Variants in SREK1 observed in about 807,000 individuals in gnomAD.
The protein encoded by SREK1 is splicing regulatory glutamine/lysine-rich protein 1.
In SREK1, 13 loss-of-function variants were observed where a neutral mutation model predicts 66.5. That is an observed-to-expected ratio of 0.20 (90% CI 0.13 to 0.31). SREK1 has a LOEUF of 0.31. SREK1 is among the 10% of genes least tolerant of loss of function. The probability of loss-of-function intolerance (pLI) is 1.00; values close to 1 mark genes in which losing one functional copy is unlikely to be tolerated. For synonymous variants in SREK1, 265 were observed against 263.5 expected (o/e 1.01, Z -0.05); for missense variants, 607 against 769.6 (o/e 0.79, Z 2.50).
intron 1 of SREK1, among the ~76,000 whole-genome samples, chr5:66,149,248 G>A (rs1743543992): frequency 6.6e-6 from 1 of 152,112 alleles, no homozygotes; most frequent in Admixed American, 6.5e-5. Context: ...AGCTACTTGG[G>A]AGGCGGCAGG....
chr5:66,165,157 G>C (rs773988197), intron 7 of SREK1: 3 of 284,676 alleles, frequency 1.1e-5, no homozygotes, highest in Non-Finnish European at 1.3e-5. Context: ...CTCTATTCCA[G>C]ATTTTTCTAA....
rs568163042 is a variant in SREK1, at chr5:66,150,460, A to G, written c.162-3003A>G. On this transcript the variant is annotated intron_variant, in intron 1 of 11. Coordinates refer to ENST00000334121, the MANE Select transcript of SREK1 (RefSeq NM_001077199.3). The stretch of plus-strand genomic sequence containing the variant: ...GTGATGTGTTGCTGGAACCACAGGT[A>G]TCATTTTTGGGTGCATTTCCATGAC... Among the ~76,000 whole-genome samples the G allele has an allele frequency of 3.9e-5, 6 of 152,346 alleles. No individual in the cohort carries two copies. In the East Asian group the frequency reaches 7.7e-4, roughly 20 times the overall value.
chr5:66,156,116 G>T, intron 2 of SREK1: 2 of 1,488,360 alleles, frequency 1.3e-6, no homozygotes, highest in South Asian at 1.3e-5. Flanking sequence ...GTTAGGCATT[G>T]TTTGCCATGC....
At chr5:66,148,511 A>C (rs115026021) in intron 1 of SREK1, among the ~76,000 whole-genome samples, 1 of 152,362 alleles carries the variant, frequency 6.6e-6, no homozygotes, top group Non-Finnish European at 1.5e-5. Flanking sequence ...TGAAAAATTG[A>C]TAAGATTTTG....
In SREK1 at chr5:66,154,610, A is replaced by G. The variant is rs908989220; in HGVS notation, c.295+1014A>G. 5.3e-5 allele frequency among the ~76,000 whole-genome samples: 8 copies of G among 152,304 alleles called. No homozygotes were observed. The South Asian group carries it at 1.7e-3, about 32-fold the overall frequency. ...CAGTTTGCTGCACTTTAAAGGTTTT[A>G]TGCTTATTTCAGAATGCCTGTTCTG... On this transcript the variant is annotated intron_variant, in intron 2 of 11. Transcript: ENST00000334121.
At chr5:66,161,890 G>C (rs27088) in intron 3 of SREK1, among the ~76,000 whole-genome samples, 12,360 of 152,108 alleles carry the variant, frequency 0.081, 628 homozygotes, top group East Asian at 0.27. Context: ...GTTTAAAAGT[G>C]GCTAAAATAT....
At chr5:66,153,055 G>A (rs1743982554) in intron 1 of SREK1, among the ~76,000 whole-genome samples, 1 of 152,152 alleles carries the variant, frequency 6.6e-6, no homozygotes, top group South Asian at 2.1e-4. Context: ...TGATGTAAAT[G>A]CTTGGGAAAC....
intron 1 of SREK1, chr5:66,145,137 A>G (rs1743057497): frequency 3.0e-6 from 3 of 985,450 alleles, no homozygotes; most frequent in Non-Finnish European, 3.6e-6. Flanking sequence ...AGCAGATTAA[A>G]TTTTCCTCCT....
Position 66,144,375 on chromosome 5 carries a change from G to T in SREK1, c.-2G>T. 2 of 1,545,778 alleles carry T rather than the reference G, an allele frequency of 1.3e-6. No individual in the cohort carries two copies. Among genetic ancestry groups the T allele is most frequent in the African/African-American group, 1.4e-5 (1 of 72,856 alleles). ...CGGGAAGGCAACGGCAGCGGGATCG[G>T]GATGAACAGCGGCGGCGGCTTCGGT... On this transcript the variant is annotated 5_prime_UTR_variant, in exon 1 of 12. Coordinates refer to ENST00000334121, the MANE Select transcript of SREK1 (RefSeq NM_001077199.3).
At chr5:66,169,907 A>G in intron 7 of SREK1, 144 bp from the exon 8 acceptor site, 1 of 554,888 alleles carries the variant, frequency 1.8e-6, no homozygotes, top group Non-Finnish European at 2.9e-6. Context: ...GTTTCCAGTA[A>G]ATGTATTTCA....
chr5:66,169,175 A>C (rs1037878570), intron 7 of SREK1: 1 of 152,226 alleles, frequency 6.6e-6, no homozygotes, highest in Non-Finnish European at 1.5e-5. Context: ...TCACATTCTC[A>C]AAAAACTTTT....
Position 66,181,280 on chromosome 5 carries a change from A to T in SREK1, c.*2412A>T, listed in dbSNP as rs1561524467. ...GCAAGGCATTCTAGGGTCTAGAGGG[A>T]TGTGTGTGTGTGCTTGTGTGTCCAT... On this transcript the variant is annotated 3_prime_UTR_variant, in exon 12 of 12. Transcript: ENST00000334121. 1 of 151,886 alleles carries T rather than the reference A, an allele frequency of 6.6e-6. No individual in the cohort carries two copies. The highest frequency in any genetic ancestry group is 1.9e-4 in the East Asian group (1 of 5,186). The allele number at this position is 151,886 out of a possible 1,614,324, so 9.4% of individuals were successfully genotyped here.
chr5:66,176,365 C>T (rs529593066), intron 10 of SREK1, among the ~76,000 whole-genome samples: 1 of 152,210 alleles, frequency 6.6e-6, no homozygotes, highest in African/African-American at 2.4e-5. Context: ...AAGGCCTGTT[C>T]TCTATACCCC....
In SREK1 at chr5:66,161,195, AACTCAT is replaced by A. The variant is rs543630683; in HGVS notation, c.412-901_412-896del. Among the ~76,000 whole-genome samples the A allele has an allele frequency of 5.9e-5, 9 of 152,264 alleles. No homozygotes were observed. In the East Asian group the frequency reaches 9.6e-4, roughly 16 times the overall value. On this transcript the variant is annotated intron_variant, in intron 3 of 11. Coordinates refer to ENST00000334121, the MANE Select transcript of SREK1 (RefSeq NM_001077199.3). The stretch of plus-strand genomic sequence containing the variant: ...GCTATGATAATTGTTGACTGTTAGG[AACTCAT>A]ACTCATACTCATCTGTGTTTTTCAA...
intron 2 of SREK1, chr5:66,158,970 T>A (rs1744508071): frequency 7.5e-7 from 1 of 1,339,498 alleles, no homozygotes; most frequent in Admixed American, 2.5e-5. Flanking sequence ...ATTGTCTACA[T>A]TATTCAATTT....
intron 1 of SREK1, chr5:66,144,741 G>T: frequency 7.9e-7 from 1 of 1,261,514 alleles, no homozygotes; most frequent in Non-Finnish European, 1.0e-6. Flanking sequence ...ACTACTGCAC[G>T]GAGCCCTTAC....
chr5:66,174,962 A>G lies in SREK1; in HGVS notation c.1501A>G (p.Arg501Gly). The G allele has an allele frequency of 6.2e-7, 1 of 1,612,946 alleles. No homozygotes were observed. The highest frequency in any genetic ancestry group is 8.5e-7 in the Non-Finnish European group (1 of 1,179,392). ...RSSSRERRRRRSRSSSRSPRT... is the reference protein window; with the variant it reads ...RSSSRERRRRGSRSSSRSPRT... ...GATTTTCAGGGAAAGGCGTAGGAGG[A>G]GGAGCAGGAGTTCTTCCAGATCGCC... The change falls in exon 10 of 12, where the codon AGG becomes GGG. Residue 501 changes from arginine (R) to glycine (G), a missense_variant. Transcript: ENST00000334121.
At position 66,151,256 on chromosome 5, in the gene SREK1, T is replaced by C. The variant is rs570807966; in HGVS notation, c.162-2207T>C. Among the ~76,000 whole-genome samples the C allele has an allele frequency of 2.0e-5, 3 of 152,332 alleles. No homozygotes were observed. In the South Asian group the frequency reaches 6.2e-4, roughly 32 times the overall value. On this transcript the variant is annotated intron_variant, in intron 1 of 11. Transcript: ENST00000334121. Reference sequence around the variant, plus strand: ...ATCTTTTGAATGTTGCCAGTCGTTGTGGTGGAGGAAAAGAGTCAAACAGTG... The same window carrying C: ...ATCTTTTGAATGTTGCCAGTCGTTGCGGTGGAGGAAAAGAGTCAAACAGTG...
intron 3 of SREK1, 100 bp downstream of exon 3, chr5:66,159,434 T>C: frequency 4.1e-6 from 4 of 970,192 alleles, no homozygotes; most frequent in Non-Finnish European, 5.6e-6. Flanking sequence ...CTTCTTCTTT[T>C]TTTTTTTTTT....
Sources: allele counts gnomAD v4.1 joint callset (sites outside exome capture counted in the v4.1 genomes callset), GRCh38; gene constraint gnomAD v4.1.1; transcripts MANE v1.5; gene names NCBI Gene and HGNC (gene_info 2026-07-23, HGNC 2026-07-21).